The following ANO2 variants were observed in gnomAD, a reference collection of about 807,000 sequenced individuals.
ANO2 encodes anoctamin-2.
In ANO2, 101 loss-of-function variants were observed where a neutral mutation model predicts 124.2. The observed-to-expected ratio is 0.81, with a 90% CI of 0.69 to 0.96. The LOEUF (loss-of-function observed/expected upper bound fraction) is 0.96, where lower values mean the gene tolerates loss of function less well. Ranked by LOEUF, ANO2 falls within the 40% of genes least tolerant of loss-of-function variation. The probability of loss-of-function intolerance (pLI) is 0.00; values close to 1 mark genes in which losing one functional copy is unlikely to be tolerated. For missense variants in ANO2, 1,293 were observed against 1,274.5 expected (o/e 1.01, Z -0.22); for synonymous variants, 486 against 482.5 (o/e 1.01, Z -0.09).
chr12:5,642,834 T>C (rs1208627988), intron 15 of ANO2, among the ~76,000 whole-genome samples: 1 of 152,148 alleles, frequency 6.6e-6, no homozygotes, highest in African/African-American at 2.4e-5. Context: ...ACTGTGGCTC[T>C]TTCCTGCTGT....
intron 7 of ANO2, among the ~76,000 whole-genome samples, chr12:5,822,239 G>T (rs192051402): frequency 1.3e-4 from 20 of 152,314 alleles, no homozygotes; most frequent in Non-Finnish European, 2.5e-4. Flanking sequence ...GGATGGTCAG[G>T]GACTTGGAAG....
intron 1 of ANO2, among the ~76,000 whole-genome samples, chr12:5,928,521 ACCTT>A (rs1236610932): frequency 1.4e-5 from 2 of 147,928 alleles, no homozygotes; most frequent in Admixed American, 1.4e-4. Context: ...TCTCTAGTCT[ACCTT>A]CCTTCCTTAC....
intron 3 of ANO2, among the ~76,000 whole-genome samples, chr12:5,906,568 G>A (rs966059959): frequency 2.6e-5 from 4 of 152,092 alleles, no homozygotes; most frequent in African/African-American, 7.2e-5. Context: ...AGGCCAAGGC[G>A]GGCAGATCAC....
At chr12:5,863,929 T>C (rs1187454814) in intron 3 of ANO2, among the ~76,000 whole-genome samples, 1 of 152,192 alleles carries the variant, frequency 6.6e-6, no homozygotes, top group Non-Finnish European at 1.5e-5. Context: ...TTTCATGGTA[T>C]CTCAGAATCA....
At chr12:5,657,598 T>C (rs1184972854) in intron 14 of ANO2, among the ~76,000 whole-genome samples, 2 of 151,716 alleles carry the variant, frequency 1.3e-5, no homozygotes, top group African/African-American at 4.8e-5. Context: ...TTGTCAGAGA[T>C]GAGAATCAAG....
chr12:5,651,684 C>T (rs1003313350), intron 14 of ANO2, among the ~76,000 whole-genome samples: 9 of 152,210 alleles, frequency 5.9e-5, no homozygotes, highest in Non-Finnish European at 1.2e-4. Flanking sequence ...ATAACCACGA[C>T]CACAATCAAG....
intron 3 of ANO2, among the ~76,000 whole-genome samples, chr12:5,906,675 G>A (rs542724638): frequency 2.8e-4 from 42 of 152,078 alleles, no homozygotes; most frequent in African/African-American, 9.4e-4. Context: ...CGCACCTGTA[G>A]TCCCAGCTAC....
chr12:5,664,134 A>G (rs1207245231), intron 14 of ANO2, among the ~76,000 whole-genome samples: 1 of 152,268 alleles, frequency 6.6e-6, no homozygotes, highest in Non-Finnish European at 1.5e-5. Flanking sequence ...GCACGCATGC[A>G]TGTGCATACA....
intron 15 of ANO2, among the ~76,000 whole-genome samples, chr12:5,646,360 TA>T (rs1397645415): frequency 6.6e-6 from 1 of 152,036 alleles, no homozygotes; most frequent in Non-Finnish European, 1.5e-5. Context: ...TCCAATTTTT[TA>T]AAATAAATTT....
chr12:5,605,297 C>T (rs577288771), intron 19 of ANO2, among the ~76,000 whole-genome samples: 2 of 152,154 alleles, frequency 1.3e-5, no homozygotes, highest in Non-Finnish European at 2.9e-5. Flanking sequence ...ACCTCCCTCC[C>T]GTGTTGGCTT....
chr12:5,761,575 A>C (rs755946135), intron 10 of ANO2, among the ~76,000 whole-genome samples: 4 of 152,200 alleles, frequency 2.6e-5, no homozygotes, highest in Non-Finnish European at 5.9e-5. Flanking sequence ...AATGAAAGCT[A>C]TAAGATTTAT....
At chr12:5,573,781 G>T (rs777579396) in intron 23 of ANO2, among the ~76,000 whole-genome samples, 1 of 152,150 alleles carries the variant, frequency 6.6e-6, no homozygotes, top group Admixed American at 6.5e-5. Context: ...CTTGTGTCTG[G>T]TTCCTCATTT....
At chr12:5,851,542 G>A (rs1470447240) in intron 4 of ANO2, among the ~76,000 whole-genome samples, 3 of 151,992 alleles carry the variant, frequency 2.0e-5, no homozygotes, top group African/African-American at 4.8e-5. Flanking sequence ...AAAATTAGCT[G>A]GGCATGGTGA....
chr12:5,674,437 C>CA (rs1948140720), intron 14 of ANO2, among the ~76,000 whole-genome samples: 2 of 152,118 alleles, frequency 1.3e-5, no homozygotes, highest in African/African-American at 4.8e-5. Context: ...TCTCCCCACG[C>CA]ACAACCATGA....
At chr12:5,618,393 A>C (rs942588599) in intron 16 of ANO2, among the ~76,000 whole-genome samples, 1 of 152,146 alleles carries the variant, frequency 6.6e-6, no homozygotes, top group Non-Finnish European at 1.5e-5. Context: ...TGTATGACAG[A>C]AGGCATCATA....
chr12:5,661,989 C>T (rs1947465986), intron 14 of ANO2, among the ~76,000 whole-genome samples: 1 of 152,176 alleles, frequency 6.6e-6, no homozygotes, highest in Non-Finnish European at 1.5e-5. Flanking sequence ...TCAGGCAGCC[C>T]CGCCAACTCG....
chr12:5,790,806 T>C (rs1807278), intron 10 of ANO2, among the ~76,000 whole-genome samples: 28,583 of 152,048 alleles, frequency 0.19, 3,251 homozygotes, highest in Admixed American at 0.26. Flanking sequence ...CAACACCACA[T>C]CCAGTACAAA....
At chr12:5,670,698 C>T (rs1014298718) in intron 14 of ANO2, among the ~76,000 whole-genome samples, 15 of 151,976 alleles carry the variant, frequency 9.9e-5, no homozygotes, top group African/African-American at 3.4e-4. Context: ...CCATTCCTGG[C>T]TAATTTTTTT....
chr12:5,932,691 A>G (rs1232426639), intron 1 of ANO2, among the ~76,000 whole-genome samples: 1 of 152,112 alleles, frequency 6.6e-6, no homozygotes, highest in Non-Finnish European at 1.5e-5. Flanking sequence ...GTAAGGAAGG[A>G]AGGTAGACTA....
Sources: allele counts gnomAD v4.1 joint callset (sites outside exome capture counted in the v4.1 genomes callset), GRCh38; gene constraint gnomAD v4.1.1; transcripts MANE v1.5; gene names NCBI Gene and HGNC (gene_info 2026-07-23, HGNC 2026-07-21).